Variants in CAPZA1 observed in about 807,000 individuals in gnomAD.
CAPZA1 encodes the protein capping actin protein of muscle Z-line subunit alpha 1.
A neutral mutation model predicts 40.8 loss-of-function variants in CAPZA1; 10 were observed. The ratio of observed to expected loss-of-function variants is 0.25; its 90% CI spans 0.15 to 0.42. The LOEUF (loss-of-function observed/expected upper bound fraction) is 0.42, where lower values mean the gene tolerates loss of function less well. Among genes scored for constraint, CAPZA1 ranks in the 10% least tolerant of loss-of-function variants. CAPZA1 has a pLI of 1.00. For missense variants in CAPZA1, 277 were observed against 353.8 expected (o/e 0.78, Z 1.74); for synonymous variants, 98 against 115.0 (o/e 0.85, Z 0.95).
chr1:112,663,712 T>C (rs566461880), intron 7 of CAPZA1, among the ~76,000 whole-genome samples: 2 of 151,278 alleles, frequency 1.3e-5, no homozygotes, highest in South Asian at 4.4e-4. Context: ...ACCATGTTGG[T>C]CAGGCTGGTC....
intron 5 of CAPZA1, among the ~76,000 whole-genome samples, chr1:112,658,657 A>G (rs1411769596): frequency 1.3e-5 from 2 of 152,138 alleles, no homozygotes; most frequent in Non-Finnish European, 2.9e-5. Flanking sequence ...AGTCCACTTC[A>G]CACACACCCT....
At chr1:112,627,677 G>T (rs1371351196) in intron 1 of CAPZA1, among the ~76,000 whole-genome samples, 1 of 147,708 alleles carries the variant, frequency 6.8e-6, no homozygotes, top group East Asian at 2.0e-4. Context: ...GAAGGGCCAG[G>T]CGTAGTGGTT....
chr1:112,649,397 T>C, intron 2 of CAPZA1, 21 bp from the exon 3 acceptor site: 1 of 1,597,934 alleles, frequency 6.3e-7, no homozygotes, highest in Non-Finnish European at 8.6e-7. Context: ...CACTGAACAT[T>C]GTAACATTTT....
At chr1:112,625,247 C>T (rs1670783122) in intron 1 of CAPZA1, among the ~76,000 whole-genome samples, 1 of 152,202 alleles carries the variant, frequency 6.6e-6, no homozygotes, top group African/African-American at 2.4e-5. Flanking sequence ...CTGGGAGCAT[C>T]TTCCTAATAG....
chr1:112,622,546 C>A (rs1670697006), intron 1 of CAPZA1, among the ~76,000 whole-genome samples: 1 of 152,116 alleles, frequency 6.6e-6, no homozygotes, highest in African/African-American at 2.4e-5. Flanking sequence ...TTTCATTCAA[C>A]ATTTGTAAAA....
At position 112,624,165 on chromosome 1, in the gene CAPZA1, A is replaced by C. The variant is rs546700052; in HGVS notation, c.39+4282A>C. 9.2e-5 allele frequency among the ~76,000 whole-genome samples: 14 copies of C among 152,298 alleles called. No homozygotes were observed. The South Asian group carries it at 2.9e-3, about 32-fold the overall frequency. On this transcript the variant is annotated intron_variant, in intron 1 of 9. Transcript: ENST00000263168. ...TAGCTGTTTTATTACGACCAGGCTT[A>C]ATGCTAAACAAAGTAGTGTAAATTT...
At chr1:112,663,852 C>G (rs568964484) in intron 7 of CAPZA1, among the ~76,000 whole-genome samples, 144 of 152,166 alleles carry the variant, frequency 9.5e-4, no homozygotes, top group African/African-American at 3.2e-3. Flanking sequence ...CTTAGAAAGC[C>G]AAAAGGTAAA....
At chr1:112,628,676 T>C (rs1670861054) in intron 1 of CAPZA1, among the ~76,000 whole-genome samples, 1 of 152,230 alleles carries the variant, frequency 6.6e-6, no homozygotes, top group African/African-American at 2.4e-5. Context: ...TGTTATCACA[T>C]TACTAGCAGG....
intron 5 of CAPZA1, 140 bp from the exon 6 acceptor site, chr1:112,658,882 A>G (rs1671546753): frequency 9.4e-6 from 6 of 637,118 alleles, no homozygotes; most frequent in South Asian, 1.9e-5. Flanking sequence ...TTCATATCCC[A>G]TGTGCACTAT....
intron 5 of CAPZA1, among the ~76,000 whole-genome samples, chr1:112,656,440 ATTTTT>A (rs56343358): frequency 0.012 from 546 of 45,752 alleles, 9 homozygotes; most frequent in African/African-American, 0.044. Context: ...ATTATGTTTG[ATTTTT>A]TTTTTTTTTT....
rs1491091948 is a variant in CAPZA1, at chr1:112,670,363, T to TTTTC, written c.*234_*235insCTTT. ...ATATCTACGTGTAAATCTTTTTTTC[T>TTTTC]TTTTTTTTTTTTTTTTTTGGTTAAT... On this transcript the variant is annotated 3_prime_UTR_variant, in exon 10 of 10. Coordinates refer to ENST00000263168, the MANE Select transcript of CAPZA1 (RefSeq NM_006135.3). 3.6e-5 allele frequency: 4 copies of TTTTC among 110,308 alleles called. No individual in the cohort carries two copies. In the South Asian group the frequency reaches 3.7e-4, roughly 10 times the overall value. 6.8% of individuals were successfully genotyped at this position (110,308 alleles called of 1,614,324 possible). A position where few individuals can be genotyped will look rare whatever the true frequency, so the allele number is the denominator to read the frequency against.
chr1:112,620,212 G>A (rs919661807), intron 1 of CAPZA1: 37 of 251,702 alleles, frequency 1.5e-4, no homozygotes, highest in African/African-American at 8.3e-4. Context: ...GTTATGTTGC[G>A]ACATATCAAA....
chr1:112,641,882 G>C (rs956130410), intron 1 of CAPZA1, among the ~76,000 whole-genome samples: 1 of 88,870 alleles, frequency 1.1e-5, no homozygotes, highest in African/African-American at 5.2e-5. Context: ...GACTGAGACT[G>C]TCTCAAAAAA....
Position 112,623,633 on chromosome 1 carries a change from A to G in CAPZA1, c.39+3750A>G, listed in dbSNP as rs541590247. Among the ~76,000 whole-genome samples, 72 of 151,212 alleles carry G rather than the reference A, an allele frequency of 4.8e-4. 1 individual carries two copies. The South Asian group carries it at 0.015, about 32-fold the overall frequency. Reference sequence around the variant, plus strand: ...GAGGCGGAGGTTGCGGTGACCCGAGATCACGCCATTGCACTCCAGCCTGGG... The same window carrying G: ...GAGGCGGAGGTTGCGGTGACCCGAGGTCACGCCATTGCACTCCAGCCTGGG... On this transcript the variant is annotated intron_variant, in intron 1 of 9. Coordinates refer to ENST00000263168, the MANE Select transcript of CAPZA1 (RefSeq NM_006135.3).
intron 2 of CAPZA1, among the ~76,000 whole-genome samples, chr1:112,647,745 G>A (rs903508729): frequency 1.3e-5 from 2 of 152,178 alleles, no homozygotes; most frequent in African/African-American, 4.8e-5. Flanking sequence ...ACATTCATTA[G>A]ATCTGAGGTG....
intron 1 of CAPZA1, among the ~76,000 whole-genome samples, chr1:112,621,825 G>A (rs1034958228): frequency 7.0e-5 from 10 of 143,620 alleles, no homozygotes; most frequent in African/African-American, 2.6e-4. Flanking sequence ...GCAGTGGTGC[G>A]ATCTCCGCTC....
chr1:112,657,646 C>T (rs540790018), intron 5 of CAPZA1, among the ~76,000 whole-genome samples: 1 of 152,032 alleles, frequency 6.6e-6, no homozygotes, highest in South Asian at 2.1e-4. Context: ...GGCTGGCGTA[C>T]AGTGGCATGA....
intron 1 of CAPZA1, among the ~76,000 whole-genome samples, chr1:112,638,402 T>C (rs771556145): frequency 5.3e-5 from 8 of 151,860 alleles, no homozygotes; most frequent in Non-Finnish European, 8.8e-5. Context: ...GCAACCTCCG[T>C]CTCCTGGGTT....
chr1:112,659,058 A>G lies in CAPZA1; in HGVS notation c.463A>G (p.Ile155Val). 6.2e-7 allele frequency: 1 copy of G among 1,613,500 alleles called. No individual in the cohort carries two copies. The highest frequency in any genetic ancestry group is 8.5e-7 in the Non-Finnish European group (1 of 1,179,558). Residue 155 changes from isoleucine (I) to valine (V), a missense_variant, in exon 6 of 10, where the codon ATT (isoleucine) becomes GTT (valine). Transcript: ENST00000263168. ...AKTIDGQQTI[I>V]ACIESHQFQP... ...AACTATCGATGGGCAACAGACTATT[A>G]TTGCATGTATTGAAAGCCACCAGTT... is the stretch of plus-strand genomic sequence containing the variant.
Sources: allele counts gnomAD v4.1 joint callset (sites outside exome capture counted in the v4.1 genomes callset), GRCh38; gene constraint gnomAD v4.1.1; transcripts MANE v1.5; gene names NCBI Gene and HGNC (gene_info 2026-07-23, HGNC 2026-07-21).